Variants in ITGA11 observed in about 807,000 individuals in gnomAD.
ITGA11 encodes the protein integrin alpha-11.
A neutral mutation model predicts 141.9 loss-of-function variants in ITGA11; 97 were observed. That is an observed-to-expected ratio of 0.68 (90% CI 0.58 to 0.81). ITGA11 has a LOEUF of 0.81. Ranked by LOEUF, ITGA11 falls within the 30% of genes least tolerant of loss-of-function variation. The probability of loss-of-function intolerance (pLI) is 0.00; values close to 1 mark genes in which losing one functional copy is unlikely to be tolerated. For missense variants in ITGA11, 1,387 were observed against 1,559.2 expected (o/e 0.89, Z 1.86); for synonymous variants, 658 against 624.6 (o/e 1.05, Z -0.80).
chr15:68,335,596 G>A lies in ITGA11; in HGVS notation c.1425+101C>T. The A allele has an allele frequency of 7.3e-7, 1 of 1,364,868 alleles. No individual in the cohort carries two copies. The allele number at this position is 1,364,868 out of a possible 1,614,324, so 84.5% of individuals were successfully genotyped here. A position where few individuals can be genotyped will look rare whatever the true frequency, so the allele number is the denominator to read the frequency against. ...GCTGGAGGAACATGACTGCCCTTTGGGGCACCCAGTGGTCCAGGCATGCCT... is the reference window on the plus strand; with the variant it reads ...GCTGGAGGAACATGACTGCCCTTTGAGGCACCCAGTGGTCCAGGCATGCCT... On this transcript the variant is annotated intron_variant, in intron 12 of 29. Coordinates refer to ENST00000315757, the MANE Select transcript of ITGA11 (RefSeq NM_001004439.2). The surrounding 1 kb of genome is among the most constrained non-coding windows in gnomAD (Gnocchi z 4.9).
At chr15:68,397,653 A>T (rs1423152885) in intron 2 of ITGA11, among the ~76,000 whole-genome samples, 1 of 116,150 alleles carries the variant, frequency 8.6e-6, no homozygotes, top group African/African-American at 3.4e-5. Flanking sequence ...AAATATTTTA[A>T]AATATATATT....
intron 19 of ITGA11, 69 bp from the exon 20 acceptor site, chr15:68,320,461 G>T: frequency 7.2e-7 from 1 of 1,380,092 alleles, no homozygotes; most frequent in South Asian, 1.3e-5. Flanking sequence ...AGGAGCCCCA[G>T]GGTTGGGGCA....
At chr15:68,405,407 G>A (rs186556800) in intron 1 of ITGA11, among the ~76,000 whole-genome samples, 2 of 152,184 alleles carry the variant, frequency 1.3e-5, no homozygotes, top group East Asian at 1.9e-4. Context: ...CCTGCTATGG[G>A]TACAGGGGAG....
At chr15:68,344,163 C>T (rs1054595433) in intron 10 of ITGA11, among the ~76,000 whole-genome samples, 3 of 152,074 alleles carry the variant, frequency 2.0e-5, no homozygotes, top group African/African-American at 7.2e-5. Flanking sequence ...AACTCGCAAA[C>T]CCTTGGGACC....
At chr15:68,364,932 A>G (rs1477101562) in intron 3 of ITGA11, 134 bp from the exon 4 acceptor site, 29 of 923,762 alleles carry the variant, frequency 3.1e-5, no homozygotes, top group Non-Finnish European at 4.7e-5. Context: ...CTCAGGGTTT[A>G]CAAAGGCCTT....
chr15:68,314,388 C>T (rs1893497804), intron 22 of ITGA11, among the ~76,000 whole-genome samples: 1 of 152,206 alleles, frequency 6.6e-6, no homozygotes, highest in African/African-American at 2.4e-5. Flanking sequence ...AATTCAGAGA[C>T]ATCTTCCGGG....
intron 2 of ITGA11, among the ~76,000 whole-genome samples, chr15:68,374,222 C>T (rs974532917): frequency 6.6e-6 from 1 of 152,214 alleles, no homozygotes; most frequent in Non-Finnish European, 1.5e-5. Flanking sequence ...TATATTATTT[C>T]TCTCTTGTTG....
Position 68,350,697 on chromosome 15 carries a change from T to C in ITGA11, c.980A>G (p.Lys327Arg), listed in dbSNP as rs763595694. 6.2e-7 allele frequency: 1 copy of C among 1,613,952 alleles called. No homozygotes were observed. The highest frequency in any genetic ancestry group is 1.7e-5 in the Admixed American group (1 of 60,030). The change falls in exon 9 of 30, where the codon AAG (lysine) becomes AGG (arginine). Residue 327 changes from lysine to arginine, a missense_variant. Transcript: ENST00000315757. ...IKYIASDPDD[K>R]HFFNVTDEAA... ...CTCATCAGTGACATTGAAGAAGTGCTTGTCATCAGGGTCACTGGCGATGTA... is the reference window on the plus strand; with the variant it reads ...CTCATCAGTGACATTGAAGAAGTGCCTGTCATCAGGGTCACTGGCGATGTA...
At chr15:68,356,337 C>A (rs998554884) in intron 7 of ITGA11, among the ~76,000 whole-genome samples, 4 of 151,792 alleles carry the variant, frequency 2.6e-5, no homozygotes, top group African/African-American at 9.7e-5. Flanking sequence ...CTCCTGAGCT[C>A]AGGCAATCTG....
intron 10 of ITGA11, 63 bp downstream of exon 10, chr15:68,348,767 A>G (rs1894815095): frequency 1.4e-6 from 2 of 1,402,454 alleles, no homozygotes; most frequent in Non-Finnish European, 2.0e-6. Flanking sequence ...AGAGCTAGAA[A>G]GGGGAAGAGC....
chr15:68,400,962 A>AT (rs1896494307), intron 2 of ITGA11, among the ~76,000 whole-genome samples: 1 of 118,102 alleles, frequency 8.5e-6, no homozygotes, highest in African/African-American at 3.2e-5. Context: ...AATATTATAT[A>AT]TATTTATTTA....
Position 68,326,744 on chromosome 15 carries a change from G to T in ITGA11, c.2121C>A (p.His707Gln), listed in dbSNP as rs1893986634. Residue 707 changes from histidine (H) to glutamine (Q), a missense_variant, in exon 17 of 30, where the codon CAC (histidine) becomes CAA (glutamine). Physicochemically the swap from His to Gln is conservative, Grantham distance 24. Transcript: ENST00000315757. This position sits in a 1 kb window ranked among gnomAD's most constrained non-coding sequence, Gnocchi z 6.8. Reference sequence around the variant, plus strand: ...TGAATCGGTCCCCGCCCTCGTCCAGGTGGGCCCTCGGTGTATACCGCCTCT... The same window carrying T: ...TGAATCGGTCCCCGCCCTCGTCCAGTTGGGCCCTCGGTGTATACCGCCTCT... ...MDERRYTPRA[H>Q]LDEGGDRFTN... The T allele has an allele frequency of 6.3e-7, 1 of 1,582,066 alleles. No individual in the cohort carries two copies. Among genetic ancestry groups the T allele is most frequent in the South Asian group, 1.2e-5 (1 of 86,082 alleles).
chr15:68,365,394 A>G (rs767909172), intron 3 of ITGA11: 35 of 952,808 alleles, frequency 3.7e-5, no homozygotes, highest in Non-Finnish European at 4.4e-5. Flanking sequence ...GGTGCTTAGG[A>G]GCTGGGTTAT....
At chr15:68,310,948 G>T (rs1057357959) in intron 26 of ITGA11, 46 bp downstream of exon 26, 3 of 1,457,512 alleles carry the variant, frequency 2.1e-6, no homozygotes, top group Non-Finnish European at 9.5e-7. Context: ...CCGGCGGCAC[G>T]CCTCTAACCC....
At chr15:68,384,313 A>G (rs979032083) in intron 2 of ITGA11, among the ~76,000 whole-genome samples, 16 of 150,834 alleles carry the variant, frequency 1.1e-4, no homozygotes, top group Non-Finnish European at 1.9e-4. Flanking sequence ...AGAGAAGAGG[A>G]AAAAAAATCA....
chr15:68,357,144 T>A lies in ITGA11; in HGVS notation c.749+7A>T. On this transcript the variant is annotated splice_region_variant and intron_variant, in intron 7 of 29. Coordinates refer to ENST00000315757, the MANE Select transcript of ITGA11 (RefSeq NM_001004439.2). ...AAAAAATTTTTTTTGTTCTACTTTT[T>A]TTTTACCGTGCAAATTCAATGCCAA... 6.2e-7 allele frequency: 1 copy of A among 1,605,086 alleles called. No individual in the cohort carries two copies.
At chr15:68,356,227 C>T (rs1363553967) in intron 7 of ITGA11, among the ~76,000 whole-genome samples, 1 of 152,042 alleles carries the variant, frequency 6.6e-6, no homozygotes, top group Non-Finnish European at 1.5e-5. Flanking sequence ...TCCCAAGTAG[C>T]TGGGACTACA....
intron 10 of ITGA11, among the ~76,000 whole-genome samples, chr15:68,345,427 G>A (rs960428923): frequency 6.6e-6 from 1 of 152,160 alleles, no homozygotes; most frequent in African/African-American, 2.4e-5. Flanking sequence ...GGGTGTCCAG[G>A]TGATGTCTTG....
chr15:68,415,802 G>A (rs550091920), intron 1 of ITGA11, among the ~76,000 whole-genome samples: 7 of 152,374 alleles, frequency 4.6e-5, no homozygotes, highest in African/African-American at 1.4e-4. Context: ...CAGGGTCTGC[G>A]TCAGCTGAGA....
Sources: allele counts gnomAD v4.1 joint callset (sites outside exome capture counted in the v4.1 genomes callset), GRCh38; gene constraint gnomAD v4.1.1; non-coding constraint Gnocchi (gnomAD v3.1); transcripts MANE v1.5; gene names NCBI Gene and HGNC (gene_info 2026-07-23, HGNC 2026-07-21).